Variants in ITGAE observed in about 807,000 individuals in gnomAD.
ITGAE encodes the protein integrin alpha-E.
ITGAE carries 99 observed loss-of-function variants against 136.5 expected under a neutral mutation model. That is an observed-to-expected ratio of 0.73 (90% CI 0.62 to 0.86). The LOEUF (loss-of-function observed/expected upper bound fraction) is 0.86. Among genes scored for constraint, ITGAE ranks in the 40% least tolerant of loss-of-function variants. ITGAE has a pLI of 0.00. For synonymous variants in ITGAE, 613 were observed against 591.8 expected (o/e 1.04, Z -0.52); for missense variants, 1,447 against 1,515.3 (o/e 0.95, Z 0.75).
intron 1 of ITGAE, among the ~76,000 whole-genome samples, chr17:3,780,446 A>T (rs1202277345): frequency 6.6e-6 from 1 of 151,878 alleles, no homozygotes; most frequent in African/African-American, 2.4e-5. Flanking sequence ...TACAGGCGTG[A>T]GCCACCGCGC....
Position 3,751,940 on chromosome 17 carries a change from C to T in ITGAE, c.1669-66G>A, listed in dbSNP as rs574053073. The T allele has an allele frequency of 1.0e-3, 1,379 of 1,347,694 alleles. 4 individuals carry two copies. Among genetic ancestry groups the T allele is most frequent in the Non-Finnish European group, 1.3e-3 (1,250 of 946,424 alleles). The allele number at this position is 1,347,694 out of a possible 1,614,324, so 83.5% of individuals were successfully genotyped here. On this transcript the variant is annotated intron_variant, in intron 14 of 30. Transcript: ENST00000263087. ...CTAGGTGCCCACTCCATTGCCACCC[C>T]GATGCACGCTCACTGGGCCGGTGGG... is the stretch of plus-strand genomic sequence containing the variant.
intron 15 of ITGAE, 129 bp from the exon 16 acceptor site, chr17:3,750,611 C>G: frequency 9.0e-7 from 1 of 1,112,502 alleles, no homozygotes; most frequent in South Asian, 1.6e-5. Context: ...AGTCTAGAAC[C>G]AGGAAAGAGG....
Position 3,757,920 on chromosome 17 carries a change from A to T in ITGAE, c.867-61T>A, listed in dbSNP as rs2052070043. 1.9e-6 allele frequency: 3 copies of T among 1,576,022 alleles called. No homozygotes were observed. In the South Asian group the frequency reaches 3.4e-5, roughly 18 times the overall value. ...GCCAGAAGGATGACCGAGCTCCAGG[A>T]GAGACTTTATTCTCTGACCTGTATT... On this transcript the variant is annotated intron_variant, in intron 8 of 30. Coordinates refer to ENST00000263087, the MANE Select transcript of ITGAE (RefSeq NM_002208.5).
At chr17:3,784,061 C>T (rs572047997) in intron 1 of ITGAE, among the ~76,000 whole-genome samples, 1 of 152,100 alleles carries the variant, frequency 6.6e-6, no homozygotes, top group Admixed American at 6.5e-5. Context: ...GAGATCAAGA[C>T]CATCCTGGCT....
chr17:3,756,218 GT>G (rs2052020749), intron 10 of ITGAE, among the ~76,000 whole-genome samples: 1 of 37,132 alleles, frequency 2.7e-5, no homozygotes, highest in Non-Finnish European at 5.0e-5. Context: ...TGGGGATATT[GT>G]TGGCCTTTTT....
At chr17:3,766,877 G>T (rs563175358) in intron 2 of ITGAE, among the ~76,000 whole-genome samples, 80 of 151,390 alleles carry the variant, frequency 5.3e-4, no homozygotes, top group African/African-American at 1.7e-3. Context: ...CACTACATTT[G>T]TGGTAACTTG....
intron 2 of ITGAE, among the ~76,000 whole-genome samples, chr17:3,766,990 T>C (rs2052315183): frequency 6.6e-6 from 1 of 151,962 alleles, no homozygotes; most frequent in Non-Finnish European, 1.5e-5. Context: ...AACCACTAAG[T>C]TCTCAAGGCA....
chr17:3,796,109 C>CTGTGTGTGTGCATCCGTGTG lies in ITGAE; in HGVS notation c.34+5001_34+5002insCACACGGATGCACACACACA, dbSNP rs757595992. ...TGTATGCATCCGTGTGTGTGCATCCCTGTGTGCATCCCTGTGTGTGCATCC... is the reference window on the plus strand; with the variant it reads ...TGTATGCATCCGTGTGTGTGCATCCCTGTGTGTGTGCATCCGTGTGTGTGTGCATCCCTGTGTGTGCATCC... On this transcript the variant is annotated intron_variant, in intron 1 of 30. Coordinates refer to ENST00000263087, the MANE Select transcript of ITGAE (RefSeq NM_002208.5). 2.3e-5 allele frequency among the ~76,000 whole-genome samples: 3 copies of CTGTGTGTGTGCATCCGTGTG among 128,390 alleles called. 1 individual carries two copies. The highest frequency in any genetic ancestry group is 3.0e-5 in the African/African-American group (1 of 33,418). 84.2% of individuals were successfully genotyped at this position (128,390 alleles called of 152,430 possible).
At chr17:3,725,129 T>C (rs2051176835) in intron 26 of ITGAE, 1 of 1,614,094 alleles carries the variant, frequency 6.2e-7, no homozygotes, top group Admixed American at 1.7e-5. Flanking sequence ...TTGTGACTGA[T>C]GTGTCAGAGG....
intron 2 of ITGAE, among the ~76,000 whole-genome samples, chr17:3,765,116 G>A (rs578182463): frequency 3.4e-5 from 5 of 149,202 alleles, no homozygotes; most frequent in Admixed American, 1.3e-4. Context: ...TTGGGAGGCC[G>A]AGGCAGGCAG....
At position 3,725,283 on chromosome 17, in the gene ITGAE, C is replaced by T. The variant is rs529354173; in HGVS notation, c.3085-1539G>A. The T allele has an allele frequency of 1.1e-5, 18 of 1,614,208 alleles. 1 individual carries two copies. In the South Asian group the frequency reaches 2.0e-4, roughly 18 times the overall value. ...GTATTTGCTAAGCCCCTTAAACACT[C>T]TAAGTATTTCAAACAAAAAGGCATC... On this transcript the variant is annotated intron_variant, in intron 26 of 30. Coordinates refer to ENST00000263087, the MANE Select transcript of ITGAE (RefSeq NM_002208.5).
At chr17:3,760,901 T>C (rs2052148356) in intron 6 of ITGAE, 112 bp downstream of exon 6, 1 of 1,450,366 alleles carries the variant, frequency 6.9e-7, no homozygotes, top group African/African-American at 1.4e-5. Context: ...GTCTGTAAAG[T>C]CCAGCCACTG....
chr17:3,790,160 G>C (rs2052903609), intron 1 of ITGAE, among the ~76,000 whole-genome samples: 1 of 152,052 alleles, frequency 6.6e-6, no homozygotes, highest in Non-Finnish European at 1.5e-5. Context: ...CCACACTGCA[G>C]GTCTTCAGAC....
intron 29 of ITGAE, among the ~76,000 whole-genome samples, chr17:3,719,517 G>C (rs1055831550): frequency 2.0e-5 from 3 of 152,090 alleles, no homozygotes; most frequent in African/African-American, 7.2e-5. Context: ...AACACACAAA[G>C]CATTCAGTCC....
Position 3,753,484 on chromosome 17 carries a change from G to A in ITGAE, c.1528-54C>T, listed in dbSNP as rs2051922228. ...AGGAGCCCCGCTCCTGCACCCCTCA[G>A]CAAGGCTACACCCCTGCCCGCGTGC... On this transcript the variant is annotated intron_variant, in intron 13 of 30. Transcript: ENST00000263087. 3.1e-6 allele frequency: 5 copies of A among 1,592,670 alleles called. No homozygotes were observed. In the South Asian group the frequency reaches 4.5e-5, roughly 14 times the overall value.
chr17:3,733,502 A>G (rs573055085), intron 21 of ITGAE, among the ~76,000 whole-genome samples: 2 of 151,994 alleles, frequency 1.3e-5, no homozygotes, highest in South Asian at 4.2e-4. Context: ...GCTCACTCCA[A>G]TCTCCACCTC....
intron 20 of ITGAE, among the ~76,000 whole-genome samples, chr17:3,737,145 T>C (rs1416959678): frequency 6.6e-6 from 1 of 151,952 alleles, no homozygotes; most frequent in African/African-American, 2.4e-5. Context: ...ATACAAAAAT[T>C]AGCTGAGTGT....
In ITGAE at chr17:3,714,834, T is replaced by A; in HGVS notation, c.*13A>T. 6.5e-7 allele frequency: 1 copy of A among 1,530,536 alleles called. No individual in the cohort carries two copies. The highest frequency in any genetic ancestry group is 9.0e-7 in the Non-Finnish European group (1 of 1,105,716). The allele number at this position is 1,530,536 out of a possible 1,614,324, so 94.8% of individuals were successfully genotyped here. A position where few individuals can be genotyped will look rare whatever the true frequency, so the allele number is the denominator to read the frequency against. ...AGGACTGGCTGATAGCCTCTCCCAGTGGATAGCAGGTCCTAATTCTCTTCT... is the reference window on the plus strand; with the variant it reads ...AGGACTGGCTGATAGCCTCTCCCAGAGGATAGCAGGTCCTAATTCTCTTCT... On this transcript the variant is annotated 3_prime_UTR_variant, in exon 31 of 31. Transcript: ENST00000263087.
chr17:3,724,249 C>T, intron 26 of ITGAE: 2 of 1,592,720 alleles, frequency 1.3e-6, no homozygotes, highest in Non-Finnish European at 1.7e-6. Flanking sequence ...AAGCTGCGAG[C>T]TCGCCCAAGC....
Sources: gnomAD v4.1 joint callset for allele counts (sites outside exome capture counted in the v4.1 genomes callset) on GRCh38, gnomAD v4.1.1 for gene constraint, MANE v1.5 for transcripts, NCBI Gene and HGNC (gene_info 2026-07-23, HGNC 2026-07-21) for gene names.